Variants in EBF1 observed in about 807,000 individuals in gnomAD.
EBF1 encodes transcription factor COE1.
A neutral mutation model predicts 68.4 loss-of-function variants in EBF1; 10 were observed. That is an observed-to-expected ratio of 0.15 (90% CI 0.09 to 0.25). The LOEUF (loss-of-function observed/expected upper bound fraction) is 0.25, where lower values mean the gene tolerates loss of function less well. Ranked by LOEUF, EBF1 falls within the 10% of genes least tolerant of loss-of-function variation. The pLI is 1.00. For synonymous variants in EBF1, 298 were observed against 299.8 expected, an observed-to-expected ratio of 0.99 and a Z score of 0.06; for missense variants, 509 against 794.4, an observed-to-expected ratio of 0.64 and a Z score of 4.32.
At chr5:158,791,173 G>T (rs892154483) in intron 9 of EBF1, among the ~76,000 whole-genome samples, 14 of 152,022 alleles carry the variant, frequency 9.2e-5, no homozygotes, top group Non-Finnish European at 2.1e-4. Context: ...ACAAAGATTA[G>T]CTGGGTGTGG....
chr5:158,910,134 A>T (rs1216025096), intron 6 of EBF1, among the ~76,000 whole-genome samples: 1 of 152,120 alleles, frequency 6.6e-6, no homozygotes, highest in Non-Finnish European at 1.5e-5. Context: ...TTTGTCTGAC[A>T]TTTTTGTTAC....
Position 158,717,318 on chromosome 5 carries a change from A to G in EBF1, c.1126-3136T>C, listed in dbSNP as rs926195034. On this transcript the variant is annotated intron_variant, in intron 11 of 15. Transcript: ENST00000313708. ...GAAATGATTGAGCCTTGGATGTTAA[A>G]AAAAGAAATTTCCCATAAGGGGAAG... 1.4e-4 allele frequency among the ~76,000 whole-genome samples: 21 copies of G among 152,236 alleles called. 1 individual carries two copies. Among genetic ancestry groups the G allele is most frequent in the Non-Finnish European group, 2.9e-4 (20 of 68,028 alleles).
chr5:159,051,036 G>T (rs902531297), intron 6 of EBF1, among the ~76,000 whole-genome samples: 2 of 152,042 alleles, frequency 1.3e-5, no homozygotes, highest in Admixed American at 1.3e-4. Flanking sequence ...TGTTAGGAAG[G>T]GGGGAAGTGT....
At chr5:158,712,471 G>A (rs948319161) in intron 13 of EBF1, 138 bp from the exon 14 acceptor site, 7 of 902,620 alleles carry the variant, frequency 7.8e-6, no homozygotes, top group Admixed American at 2.4e-5. Flanking sequence ...ATTCATGTGC[G>A]TGGGTTGGTG....
chr5:158,947,423 C>T (rs1011990786), intron 6 of EBF1, among the ~76,000 whole-genome samples: 15 of 152,200 alleles, frequency 9.9e-5, no homozygotes, highest in East Asian at 1.9e-4. Flanking sequence ...GGGTCCCTCA[C>T]GGCTTCCCTT....
intron 6 of EBF1, among the ~76,000 whole-genome samples, chr5:158,971,580 C>T (rs994881711): frequency 1.2e-4 from 19 of 152,010 alleles, no homozygotes; most frequent in African/African-American, 4.3e-4. Context: ...CACTAAAAAT[C>T]AGAGTGTTTG....
intron 9 of EBF1, among the ~76,000 whole-genome samples, chr5:158,788,418 G>A (rs1777894857): frequency 6.6e-6 from 1 of 152,144 alleles, no homozygotes; most frequent in Non-Finnish European, 1.5e-5. Context: ...CAGGTACAAG[G>A]AGCAGCTAAC....
At chr5:158,821,119 C>T (rs891808816) in intron 8 of EBF1, among the ~76,000 whole-genome samples, 1 of 152,184 alleles carries the variant, frequency 6.6e-6, no homozygotes, top group Non-Finnish European at 1.5e-5. Flanking sequence ...TCCCTATCTA[C>T]ATTACCTGCC....
At chr5:158,737,980 A>C (rs951372753) in intron 10 of EBF1, among the ~76,000 whole-genome samples, 3 of 152,170 alleles carry the variant, frequency 2.0e-5, no homozygotes, top group African/African-American at 7.2e-5. Context: ...TTCAAAATGA[A>C]ATCACCTTAC....
At chr5:158,887,487 C>T (rs771842110) in intron 6 of EBF1, among the ~76,000 whole-genome samples, 4 of 152,182 alleles carry the variant, frequency 2.6e-5, no homozygotes, top group Admixed American at 6.5e-5. Context: ...GTGAGCTTCA[C>T]GCTAAGGCTC....
At chr5:158,707,091 G>A (rs914173631) in intron 15 of EBF1, among the ~76,000 whole-genome samples, 1 of 152,186 alleles carries the variant, frequency 6.6e-6, no homozygotes, top group Non-Finnish European at 1.5e-5. Flanking sequence ...TGTATCAGCT[G>A]TTAAAAGTCA....
In EBF1 at chr5:158,936,995, A is replaced by G. The variant is rs139437388; in HGVS notation, c.555-96885T>C. On this transcript the variant is annotated intron_variant, in intron 6 of 15. Transcript: ENST00000313708. ...AAAGAGAGGGTCATGGAGGAGGGCAACCGAAAGCTTGGCTTGGAGAATAGG... is the reference window on the plus strand; with the variant it reads ...AAAGAGAGGGTCATGGAGGAGGGCAGCCGAAAGCTTGGCTTGGAGAATAGG... Among the ~76,000 whole-genome samples the G allele has an allele frequency of 5.7e-3, 859 of 151,902 alleles. 13 individuals carry two copies. The highest frequency in any genetic ancestry group is 0.02 in the African/African-American group (830 of 41,446).
intron 6 of EBF1, among the ~76,000 whole-genome samples, chr5:158,875,414 C>T (rs1797649189): frequency 6.6e-6 from 1 of 152,182 alleles, no homozygotes; most frequent in African/African-American, 2.4e-5. Context: ...CTTCATGACT[C>T]AAGCAAGAGC....
chr5:159,087,257 T>C (rs1246962494), intron 4 of EBF1, among the ~76,000 whole-genome samples: 1 of 143,746 alleles, frequency 7.0e-6, no homozygotes, highest in Non-Finnish European at 1.5e-5. Context: ...TTCCCTAATA[T>C]ATATATATAT....
At chr5:159,036,036 A>G (rs533751007) in intron 6 of EBF1, among the ~76,000 whole-genome samples, 2 of 152,112 alleles carry the variant, frequency 1.3e-5, no homozygotes, top group Non-Finnish European at 2.9e-5. Context: ...TTCTCAGGAG[A>G]GACTTGGTTC....
intron 10 of EBF1, among the ~76,000 whole-genome samples, chr5:158,770,986 T>C (rs1258242021): frequency 6.6e-6 from 1 of 152,176 alleles, no homozygotes; most frequent in African/African-American, 2.4e-5. Flanking sequence ...AGAACTGGTT[T>C]AGAACATTGC....
chr5:158,972,871 G>T (rs976710076), intron 6 of EBF1, among the ~76,000 whole-genome samples: 1 of 152,114 alleles, frequency 6.6e-6, no homozygotes, highest in Non-Finnish European at 1.5e-5. Context: ...TCCCTGCAGG[G>T]CCTCACACTG....
intron 6 of EBF1, among the ~76,000 whole-genome samples, chr5:159,000,316 T>C (rs964879875): frequency 6.6e-6 from 1 of 152,210 alleles, no homozygotes; most frequent in South Asian, 2.1e-4. Flanking sequence ...CTTCGTAGTA[T>C]TCTTTGAGAT....
rs1778230565 is a variant in EBF1 at position 159,073,660 on chromosome 5, TG to T, written c.486-197del. The T allele has an allele frequency of 5.2e-6, 3 of 574,006 alleles. No individual in the cohort carries two copies. In the East Asian group the frequency reaches 8.8e-5, roughly 17 times the overall value. 35.6% of individuals were successfully genotyped at this position (574,006 alleles called of 1,614,324 possible). A position where few individuals can be genotyped will look rare whatever the true frequency, so the allele number is the denominator to read the frequency against. ...TTAATGGCCAGGCTTAACCTCTCCC[TG>T]CTCAAAGAAGGAGGTGGGGGAGAGG... On this transcript the variant is annotated intron_variant, in intron 5 of 15. Transcript: ENST00000313708.
Sources: allele counts gnomAD v4.1 joint callset (sites outside exome capture counted in the v4.1 genomes callset), GRCh38; gene constraint gnomAD v4.1.1; transcripts MANE v1.5; gene names NCBI Gene and HGNC (gene_info 2026-07-23, HGNC 2026-07-21).